Variants in SDHA observed in about 807,000 individuals in gnomAD.
SDHA encodes the protein succinate dehydrogenase complex flavoprotein subunit A, also known as succinate dehydrogenase [ubiquinone] flavoprotein subunit, mitochondrial.
A neutral mutation model predicts 78.4 loss-of-function variants in SDHA; 48 were observed. The ratio of observed to expected loss-of-function variants is 0.61; its 90% CI spans 0.49 to 0.78. The LOEUF (loss-of-function observed/expected upper bound fraction) is 0.78. Among genes scored for constraint, SDHA ranks in the 30% least tolerant of loss-of-function variants. SDHA has a pLI of 0.00. For synonymous variants in SDHA, 326 were observed against 353.9 expected, an observed-to-expected ratio of 0.92 and a Z score of 0.88; for missense variants, 680 against 892.7, an observed-to-expected ratio of 0.76 and a Z score of 3.04.
intron 13 of SDHA, among the ~76,000 whole-genome samples, chr5:252,473 G>A (rs1196023799): frequency 1.4e-5 from 2 of 148,146 alleles, no homozygotes; most frequent in African/African-American, 2.5e-5. Context: ...TAACGAGTAA[G>A]CCACCATTTC....
intron 12 of SDHA, 86 bp downstream of exon 12, chr5:251,189 G>C (rs11742454): frequency 2.0e-6 from 3 of 1,535,448 alleles, no homozygotes; most frequent in Non-Finnish European, 2.7e-6. Context: ...TGCTGACTTA[G>C]TTCCGTGCTT....
Position 243,052 on chromosome 5 carries a change from C to T in SDHA, c.1551+2576C>T, listed in dbSNP as rs184850588. Among the ~76,000 whole-genome samples the T allele has an allele frequency of 3.4e-4, 52 of 152,222 alleles. No individual in the cohort carries two copies. The East Asian group carries it at 9.3e-3, about 27-fold the overall frequency. ...GGACAGTGGGCGAAAAGTAGTTGCT[C>T]CAGTGACTGTCCGAGCAGCACCTTG... On this transcript the variant is annotated intron_variant, in intron 11 of 14. Transcript: ENST00000264932.
At chr5:264,694 C>T in the SDHA span, among the ~76,000 whole-genome samples, 4 of 152,198 alleles carry the variant, frequency 2.6e-5, no homozygotes, top group African/African-American at 4.8e-5. Context: ...AGGCTGGTGA[C>T]AGTCACACAG....
chr5:223,958 C>T (rs577765628), intron 2 of SDHA, among the ~76,000 whole-genome samples: 5 of 151,130 alleles, frequency 3.3e-5, no homozygotes, highest in Middle Eastern at 3.4e-3. Flanking sequence ...TGGGGCCCCT[C>T]GGGTGTGGGT....
At chr5:248,478 G>A (rs949040859) in intron 11 of SDHA, among the ~76,000 whole-genome samples, 1 of 152,198 alleles carries the variant, frequency 6.6e-6, no homozygotes, top group African/African-American at 2.4e-5. Context: ...CTGACACAGA[G>A]AACAATTATA....
chr5:251,198 T>C (rs889752277), intron 12 of SDHA, 95 bp downstream of exon 12: 1 of 1,514,092 alleles, frequency 6.6e-7, no homozygotes, highest in African/African-American at 1.4e-5. Flanking sequence ...AGTTCCGTGC[T>C]TGCTGTCTGG....
At chr5:257,768 C>T (rs1328352823), downstream of SDHA, among the ~76,000 whole-genome samples, 1 of 109,230 alleles carries the variant, frequency 9.2e-6, no homozygotes, top group Non-Finnish European at 1.8e-5. Context: ...AGCTCCGCCC[C>T]TGCCAGAGCA....
chr5:233,377 C>T (rs1481007166), intron 7 of SDHA, 100 bp from the exon 8 acceptor site: 2 of 1,305,974 alleles, frequency 1.5e-6, no homozygotes, highest in Non-Finnish European at 2.2e-6. Flanking sequence ...TTCTGCTTAT[C>T]TTTTTCCTCT....
At chr5:225,779 T>A in intron 4 of SDHA, 104 bp from the exon 5 acceptor site, 5 of 1,485,788 alleles carry the variant, frequency 3.4e-6, no homozygotes, top group Non-Finnish European at 4.7e-6. Context: ...AATAGGTTAC[T>A]TTGGGTTTGC....
chr5:248,799 C>T (rs765956199), intron 11 of SDHA, among the ~76,000 whole-genome samples: 15 of 152,186 alleles, frequency 9.9e-5, no homozygotes, highest in Non-Finnish European at 1.6e-4. Context: ...CTGCGTGCCA[C>T]GGCCACACTA....
chr5:268,455 C>G, the SDHA span, among the ~76,000 whole-genome samples: 2 of 151,906 alleles, frequency 1.3e-5, no homozygotes, highest in Non-Finnish European at 2.9e-5. Flanking sequence ...TGTGAGCCAC[C>G]GCGCCTGGCC....
At chr5:224,081 A>T (rs6555049) in intron 2 of SDHA, among the ~76,000 whole-genome samples, 36,596 of 152,120 alleles carry the variant, frequency 0.24, 6,867 homozygotes, top group African/African-American at 0.52. Context: ...TCTCAGGCAT[A>T]AGCATAGGCA....
At chr5:221,685 T>G (rs1396019895) in intron 1 of SDHA, among the ~76,000 whole-genome samples, 2 of 152,178 alleles carry the variant, frequency 1.3e-5, no homozygotes, top group Admixed American at 6.5e-5. Context: ...AATTAACAAT[T>G]GGCACAAAAG....
At chr5:265,238 G>A in the SDHA span, among the ~76,000 whole-genome samples, 1 of 152,084 alleles carries the variant, frequency 6.6e-6, no homozygotes, top group Non-Finnish European at 1.5e-5. Flanking sequence ...CTGAGAAAAA[G>A]GTGTAAAACC....
At chr5:250,505 G>A (rs905604245) in intron 11 of SDHA, 7 of 237,504 alleles carry the variant, frequency 2.9e-5, no homozygotes, top group South Asian at 5.6e-5. Context: ...AGCCACCCAC[G>A]CCCCTCCCTC....
chr5:220,006 G>A (rs933284083), intron 1 of SDHA, among the ~76,000 whole-genome samples: 1 of 152,162 alleles, frequency 6.6e-6, no homozygotes, highest in African/African-American at 2.4e-5. Context: ...TGGAGTTTAC[G>A]AAGGAACAGC....
intron 6 of SDHA, among the ~76,000 whole-genome samples, chr5:230,423 T>A (rs1735324006): frequency 6.6e-6 from 1 of 152,068 alleles, no homozygotes; most frequent in African/African-American, 2.4e-5. Flanking sequence ...GGTCAGGAGT[T>A]CGAGACCAGC....
intron 4 of SDHA, 123 bp downstream of exon 4, chr5:225,685 C>T: frequency 1.4e-6 from 2 of 1,429,696 alleles, no homozygotes; most frequent in South Asian, 2.3e-5. Context: ...GCAAAGTTCA[C>T]AAGAAGAGTC....
At chr5:251,312 C>G in intron 12 of SDHA, 26 bp from the exon 13 acceptor site, 2 of 1,609,400 alleles carry the variant, frequency 1.2e-6, no homozygotes, top group Middle Eastern at 2.0e-4. Context: ...CCCGCCTGCC[C>G]CTGATGGAAC....
Sources: allele counts gnomAD v4.1 joint callset (sites outside exome capture counted in the v4.1 genomes callset), GRCh38; gene constraint gnomAD v4.1.1; transcripts MANE v1.5; gene names NCBI Gene and HGNC (gene_info 2026-07-23, HGNC 2026-07-21).